RETREG1: variants seen among roughly 807,000 people sequenced by gnomAD.
RETREG1 encodes the protein reticulophagy regulator 1, also known as family with sequence similarity 134 member B.
In RETREG1, 44 loss-of-function variants were observed where a neutral mutation model predicts 54.8. The observed-to-expected ratio is 0.80, with a 90% CI of 0.63 to 1.03. RETREG1 has a LOEUF of 1.03. Ranked by LOEUF, RETREG1 falls within the 50% of genes least tolerant of loss-of-function variation. The probability of loss-of-function intolerance (pLI) is 0.00; values close to 1 mark genes in which losing one functional copy is unlikely to be tolerated. For synonymous variants in RETREG1, 217 were observed against 238.5 expected (o/e 0.91, Z 0.83); for missense variants, 554 against 605.1 (o/e 0.92, Z 0.89).
intron 3 of RETREG1, among the ~76,000 whole-genome samples, chr5:16,527,960 C>A (rs1489064735): frequency 6.6e-6 from 1 of 151,894 alleles, no homozygotes; most frequent in Non-Finnish European, 1.5e-5. Flanking sequence ...CAGACACCCG[C>A]CACCACACCC....
chr5:16,483,374 G>A lies in RETREG1; in HGVS notation c.557C>T (p.Ser186Phe), dbSNP rs1176823129. The A allele has an allele frequency of 1.2e-6, 2 of 1,613,330 alleles. No individual in the cohort carries two copies. The highest frequency in any genetic ancestry group is 8.5e-7 in the Non-Finnish European group (1 of 1,179,378). ...MNFSIFLQEMSLFKQQSPGKF... is the reference protein window; with the variant it reads ...MNFSIFLQEMFLFKQQSPGKF... ...GCCAGGGCTCTGCTGTTTAAAAAGA[G>A]ACATTTCTTGAAGAAATATGCTGAA... Residue 186 changes from serine to phenylalanine, a missense_variant, in exon 4 of 9, where the codon TCT (serine) becomes TTT (phenylalanine). By Grantham distance (155) the Ser-to-Phe change is radical. Transcript: ENST00000306320.
At chr5:16,528,591 G>A (rs535959640) in intron 3 of RETREG1, among the ~76,000 whole-genome samples, 21 of 152,276 alleles carry the variant, frequency 1.4e-4, no homozygotes, top group South Asian at 1.0e-3. Context: ...GGGGTTCTGA[G>A]ACACATCTGG....
In RETREG1 at chr5:16,520,629, A is replaced by G. The variant is rs144187045; in HGVS notation, c.459-37157T>C. Among the ~76,000 whole-genome samples the G allele has an allele frequency of 3.7e-4, 57 of 152,302 alleles. 2 individuals carry two copies. The East Asian group carries it at 0.011, about 28-fold the overall frequency. ...AGGCGTTAGCCACCGCGCCCAGCCA[A>G]TAGTTTTTTTAAGAAAAGTTCATTG... On this transcript the variant is annotated intron_variant, in intron 3 of 8. Coordinates refer to ENST00000306320, the MANE Select transcript of RETREG1 (RefSeq NM_001034850.3).
At chr5:16,563,968 A>G (rs922619079) in intron 3 of RETREG1, among the ~76,000 whole-genome samples, 11 of 152,306 alleles carry the variant, frequency 7.2e-5, no homozygotes, top group East Asian at 3.9e-4. Flanking sequence ...TCTGTTTCCA[A>G]TTACACAAAT....
chr5:16,611,265 G>T (rs953220536), intron 1 of RETREG1, among the ~76,000 whole-genome samples: 7 of 152,172 alleles, frequency 4.6e-5, no homozygotes. Flanking sequence ...GGGGTCGGGG[G>T]AGTGGGGAGG....
At position 16,521,833 on chromosome 5, in the gene RETREG1, AT is replaced by A. The variant is rs139514624; in HGVS notation, c.459-38362del. ...GCAACTGATAAGATGTTTCTTGGTTATCCATTTACCCAGTAGTTTTTGGAGA... is the reference window on the plus strand; with the variant it reads ...GCAACTGATAAGATGTTTCTTGGTTACCATTTACCCAGTAGTTTTTGGAGA... On this transcript the variant is annotated intron_variant, in intron 3 of 8. Coordinates refer to ENST00000306320, the MANE Select transcript of RETREG1 (RefSeq NM_001034850.3). 6.0e-3 allele frequency among the ~76,000 whole-genome samples: 907 copies of A among 152,364 alleles called. 6 individuals carry two copies. The highest frequency in any genetic ancestry group is 0.02 in the African/African-American group (840 of 41,588).
chr5:16,522,521 A>G (rs182343346), intron 3 of RETREG1, among the ~76,000 whole-genome samples: 24 of 152,306 alleles, frequency 1.6e-4, no homozygotes, highest in African/African-American at 5.8e-4. Flanking sequence ...CTTTAAAAAT[A>G]GAGTAAAACA....
intron 1 of RETREG1, among the ~76,000 whole-genome samples, chr5:16,591,701 G>A (rs537083884): frequency 1.3e-5 from 2 of 152,248 alleles, no homozygotes; most frequent in African/African-American, 4.8e-5. Flanking sequence ...TTAAACAAGG[G>A]GGACGAAGCC....
intron 1 of RETREG1, among the ~76,000 whole-genome samples, chr5:16,608,158 T>C (rs72746201): frequency 7.9e-5 from 12 of 152,264 alleles, no homozygotes; most frequent in Non-Finnish European, 1.8e-4. Flanking sequence ...GAGATTACAA[T>C]TGTGAGCCAC....
rs1169675845 is a variant in RETREG1, at chr5:16,594,116, A to G, written c.321-22014T>C. 2.0e-5 allele frequency among the ~76,000 whole-genome samples: 3 copies of G among 152,256 alleles called. No individual in the cohort carries two copies. The highest frequency in any genetic ancestry group is 4.8e-5 in the African/African-American group (2 of 41,466). On this transcript the variant is annotated intron_variant, in intron 1 of 8. Coordinates refer to ENST00000306320, the MANE Select transcript of RETREG1 (RefSeq NM_001034850.3). The surrounding 1 kb of genome is among the most constrained non-coding windows in gnomAD (Gnocchi z 4.4). ...AACTTGTCTGTACCAGGCAAAACCT[A>G]CACACAGCAGAGATTTGATGGGCAC... is the stretch of plus-strand genomic sequence containing the variant.
intron 3 of RETREG1, among the ~76,000 whole-genome samples, chr5:16,558,736 C>T (rs1741776884): frequency 6.6e-6 from 1 of 152,198 alleles, no homozygotes; most frequent in African/African-American, 2.4e-5. Context: ...AGTTACAACA[C>T]ATGAATGTCA....
rs1479905446 is a variant in RETREG1 at position 16,597,777 on chromosome 5, T to A, written c.320+18875A>T. On this transcript the variant is annotated intron_variant, in intron 1 of 8. Coordinates refer to ENST00000306320, the MANE Select transcript of RETREG1 (RefSeq NM_001034850.3). This position sits in a 1 kb window ranked among gnomAD's most constrained non-coding sequence, Gnocchi z 4.3. ...TTCTACAAAGAACCAATCACATCAG[T>A]GCCAGGGGTTGTTTGTAATGGCCCG... Among the ~76,000 whole-genome samples, 1 of 152,102 alleles carries A rather than the reference T, an allele frequency of 6.6e-6. No homozygotes were observed. Among genetic ancestry groups the A allele is most frequent in the African/African-American group, 2.4e-5 (1 of 41,422 alleles).
chr5:16,615,093 A>G (rs1743458477), intron 1 of RETREG1, among the ~76,000 whole-genome samples: 1 of 152,204 alleles, frequency 6.6e-6, no homozygotes, highest in Admixed American at 6.5e-5. Context: ...AATAAAATTT[A>G]AAATTAAGAA....
chr5:16,477,974 G>T, intron 7 of RETREG1, 60 bp downstream of exon 7: 1 of 1,368,550 alleles, frequency 7.3e-7, no homozygotes, highest in Non-Finnish European at 1.0e-6. Context: ...AGCTTTGTAT[G>T]CATACATGCA....
chr5:16,509,038 C>CTTT (rs11403979), intron 3 of RETREG1: 9,439 of 914,360 alleles, frequency 0.01, 1 homozygote, highest in Non-Finnish European at 0.011. Flanking sequence ...CTTCCCCCGG[C>CTTT]TTTTTTTTTT....
At chr5:16,589,070 A>C (rs551089172) in intron 1 of RETREG1, among the ~76,000 whole-genome samples, 1 of 152,282 alleles carries the variant, frequency 6.6e-6, no homozygotes, top group African/African-American at 2.4e-5. Context: ...CCTTACACAG[A>C]CATTCCTTTA....
intron 1 of RETREG1, among the ~76,000 whole-genome samples, chr5:16,600,526 C>T (rs942988744): frequency 5.3e-5 from 8 of 152,182 alleles, no homozygotes; most frequent in African/African-American, 1.4e-4. Context: ...GATGGGGACC[C>T]CCACGTGTTC....
chr5:16,567,315 T>C (rs1742041561), intron 2 of RETREG1, among the ~76,000 whole-genome samples: 1 of 152,170 alleles, frequency 6.6e-6, no homozygotes, highest in Admixed American at 6.5e-5. Context: ...TCGCAGACTC[T>C]GCAGGTCTTG....
chr5:16,612,563 A>G (rs1006332051), intron 1 of RETREG1, among the ~76,000 whole-genome samples: 1 of 152,204 alleles, frequency 6.6e-6, no homozygotes, highest in African/African-American at 2.4e-5. Context: ...TTCTAAAAAC[A>G]TGTTCTTCAT....
Sources: gnomAD v4.1 joint callset for allele counts (sites outside exome capture counted in the v4.1 genomes callset) on GRCh38, gnomAD v4.1.1 for gene constraint, Gnocchi (gnomAD v3.1) non-coding constraint, MANE v1.5 for transcripts, NCBI Gene and HGNC (gene_info 2026-07-23, HGNC 2026-07-21) for gene names.